The following CAMK1D variants were observed in gnomAD, a reference collection of about 807,000 sequenced individuals.
The protein encoded by CAMK1D is calcium/calmodulin dependent protein kinase ID, also known as calcium/calmodulin-dependent protein kinase type 1D.
Under a neutral mutation model 47.7 loss-of-function variants are expected in CAMK1D, and 9 were observed. The ratio of observed to expected loss-of-function variants is 0.19; its 90% CI spans 0.11 to 0.33. The LOEUF (loss-of-function observed/expected upper bound fraction) is 0.33, where lower values mean the gene tolerates loss of function less well. Among genes scored for constraint, CAMK1D ranks in the 10% least tolerant of loss-of-function variants. CAMK1D has a pLI of 1.00. For synonymous variants in CAMK1D, 184 were observed against 184.9 expected (o/e 0.99, Z 0.04); for missense variants, 291 against 488.7 (o/e 0.60, Z 3.81).
chr10:12,452,133 T>A (rs1833101869), intron 1 of CAMK1D, among the ~76,000 whole-genome samples: 1 of 152,158 alleles, frequency 6.6e-6, no homozygotes, highest in African/African-American at 2.4e-5. Flanking sequence ...GTTTTCACAG[T>A]GTTTTCAGGT....
intron 3 of CAMK1D, among the ~76,000 whole-genome samples, chr10:12,703,387 A>G (rs1445514459): frequency 6.6e-6 from 1 of 152,178 alleles, no homozygotes; most frequent in Non-Finnish European, 1.5e-5. Context: ...GGCTCGGAAC[A>G]GAAGCCACCA....
At chr10:12,462,759 A>G (rs1833473898) in intron 1 of CAMK1D, among the ~76,000 whole-genome samples, 1 of 152,114 alleles carries the variant, frequency 6.6e-6, no homozygotes, top group South Asian at 2.1e-4. Flanking sequence ...TGGCACGGTC[A>G]TAGCCCACTG....
intron 3 of CAMK1D, among the ~76,000 whole-genome samples, chr10:12,714,689 A>G (rs1481985996): frequency 1.3e-5 from 2 of 152,110 alleles, no homozygotes; most frequent in East Asian, 1.9e-4. Context: ...ACTGCACTCC[A>G]GCCTGGGCAA....
At chr10:12,799,861 G>A (rs986748464) in intron 6 of CAMK1D, among the ~76,000 whole-genome samples, 1 of 152,060 alleles carries the variant, frequency 6.6e-6, no homozygotes, top group African/African-American at 2.4e-5. Flanking sequence ...GATGTGTTTT[G>A]TTCTCCCTCC....
intron 1 of CAMK1D, among the ~76,000 whole-genome samples, chr10:12,438,170 T>G (rs1394042737): frequency 6.6e-6 from 1 of 152,238 alleles, no homozygotes; most frequent in African/African-American, 2.4e-5. Context: ...CACGTGCTCT[T>G]TTCTGCACAC....
At chr10:12,465,341 C>T (rs1197267354) in intron 1 of CAMK1D, among the ~76,000 whole-genome samples, 1 of 152,038 alleles carries the variant, frequency 6.6e-6, no homozygotes, top group African/African-American at 2.4e-5. Flanking sequence ...TCTATTGAGC[C>T]AATCTTTTAT....
intron 1 of CAMK1D, among the ~76,000 whole-genome samples, chr10:12,502,823 T>C (rs1834746393): frequency 6.6e-6 from 1 of 152,194 alleles, no homozygotes; most frequent in Admixed American, 6.5e-5. Flanking sequence ...ATGGTGTGCC[T>C]GCGACCCTGG....
At chr10:12,607,792 C>T (rs904263001) in intron 2 of CAMK1D, among the ~76,000 whole-genome samples, 4 of 152,064 alleles carry the variant, frequency 2.6e-5, no homozygotes, top group African/African-American at 9.7e-5. Context: ...AAAACCTTAT[C>T]TCTACAAGAC....
intron 4 of CAMK1D, among the ~76,000 whole-genome samples, chr10:12,767,457 A>C (rs1174226693): frequency 6.6e-6 from 1 of 152,136 alleles, no homozygotes. Context: ...GATTACAGGC[A>C]TGAGCCACTG....
chr10:12,769,574 T>C lies in CAMK1D; in HGVS notation c.439-99T>C, dbSNP rs191433617. On this transcript the variant is annotated intron_variant, in intron 4 of 10. Transcript: ENST00000619168. ...CTACTGTGTCCAAAGGTCAAGGACG[T>C]CCTGACGTTGTGAATAGGTTTTGCA... 11 of 1,371,122 alleles carry C rather than the reference T, an allele frequency of 8.0e-6. No individual in the cohort carries two copies. In the Admixed American group the frequency reaches 2.2e-4, roughly 28 times the overall value. 84.9% of individuals were successfully genotyped at this position (1,371,122 alleles called of 1,614,324 possible).
intron 1 of CAMK1D, among the ~76,000 whole-genome samples, chr10:12,419,463 G>C: frequency 6.6e-6 from 1 of 152,102 alleles, no homozygotes; most frequent in Non-Finnish European, 1.5e-5. Flanking sequence ...CCAGAGCCAA[G>C]TCCTGTTTCC....
rs369158604 is a variant in CAMK1D at position 12,615,863 on chromosome 10, C to T, written c.225-50873C>T. ...GTGTGTATAGGTGTAGGTGTGTATG[C>T]ATGTATGTGTATAAGTGTATGCATA... On this transcript the variant is annotated intron_variant, in intron 2 of 10. Transcript: ENST00000619168. Among the ~76,000 whole-genome samples, 5 of 32,170 alleles carry T rather than the reference C, an allele frequency of 1.6e-4. No homozygotes were observed. The Admixed American group carries it at 2.2e-3, about 14-fold the overall frequency. The allele number at this position is 32,170 out of a possible 152,430, so 21.1% of individuals were successfully genotyped here. A position where few individuals can be genotyped will look rare whatever the true frequency, so the allele number is the denominator to read the frequency against.
intron 1 of CAMK1D, among the ~76,000 whole-genome samples, chr10:12,520,039 C>T (rs571603079): frequency 2.1e-3 from 159 of 77,390 alleles, no homozygotes; most frequent in Middle Eastern, 6.8e-3. Flanking sequence ...CCTCACCTCC[C>T]GGACGGGGCG....
At chr10:12,808,894 A>G (rs1315447436) in intron 6 of CAMK1D, among the ~76,000 whole-genome samples, 1 of 150,112 alleles carries the variant, frequency 6.7e-6, no homozygotes, top group African/African-American at 2.5e-5. Flanking sequence ...AGGTGGGTGA[A>G]TCACTTGAGG....
At chr10:12,753,715 G>T (rs969479676) in intron 3 of CAMK1D, among the ~76,000 whole-genome samples, 33 of 152,010 alleles carry the variant, frequency 2.2e-4, no homozygotes, top group African/African-American at 8.0e-4. Context: ...CCACTAGACT[G>T]TTTGACCTCT....
At chr10:12,496,400 T>G (rs929268482) in intron 1 of CAMK1D, among the ~76,000 whole-genome samples, 2 of 152,180 alleles carry the variant, frequency 1.3e-5, no homozygotes, top group African/African-American at 4.8e-5. Flanking sequence ...TGTTTCTGTC[T>G]TGTTGCTCTG....
chr10:12,722,425 C>A (rs1188803790), intron 3 of CAMK1D, among the ~76,000 whole-genome samples: 2 of 80,850 alleles, frequency 2.5e-5, no homozygotes, highest in Non-Finnish European at 4.5e-5. Flanking sequence ...CCAGCCTGGG[C>A]AACAAAGTGA....
chr10:12,504,225 TACAC>T (rs111662084), intron 1 of CAMK1D, among the ~76,000 whole-genome samples: 1 of 147,734 alleles, frequency 6.8e-6, no homozygotes, highest in Non-Finnish European at 1.5e-5. Context: ...ATACACATTT[TACAC>T]ACACACACAC....
intron 3 of CAMK1D, among the ~76,000 whole-genome samples, chr10:12,668,467 C>A (rs1466583416): frequency 1.3e-5 from 2 of 152,198 alleles, no homozygotes; most frequent in Admixed American, 1.3e-4. Context: ...CTCAGCTCTG[C>A]CTCTTTCTAG....
Sources: gnomAD v4.1 joint callset for allele counts (sites outside exome capture counted in the v4.1 genomes callset) on GRCh38, gnomAD v4.1.1 for gene constraint, MANE v1.5 for transcripts, NCBI Gene and HGNC (gene_info 2026-07-23, HGNC 2026-07-21) for gene names.